The following CLTRN variants were observed in gnomAD, a reference collection of about 807,000 sequenced individuals.
The protein encoded by CLTRN is collectrin, amino acid transport regulator, also known as collectrin.
Under a neutral mutation model 14.5 loss-of-function variants are expected in CLTRN, and 12 were observed. That is an observed-to-expected ratio of 0.83 (90% confidence interval 0.53 to 1.34). The LOEUF (loss-of-function observed/expected upper bound fraction) is 1.34. Ranked by LOEUF, CLTRN falls within the 40% of genes most tolerant of loss-of-function variation. The pLI, the probability that CLTRN is intolerant of heterozygous loss-of-function variation, is 0.00. For missense variants in CLTRN, 154 were observed against 165.1 expected (o/e 0.93, Z 0.37); for synonymous variants, 58 against 56.5 (o/e 1.03, Z -0.12).
upstream of CLTRN, among the ~76,000 whole-genome samples, chrX:15,665,999 CCA>C (rs1929612775): frequency 8.9e-6 from 1 of 111,776 alleles, no homozygotes. Context: ...TGATCAAATA[CCA>C]CAGTCTCACT....
chrX:15,663,696 C>T (rs934868430), intron 2 of CLTRN, among the ~76,000 whole-genome samples: 5 of 112,235 alleles, frequency 4.5e-5, no homozygotes, highest in African/African-American at 1.3e-4. Flanking sequence ...GGCATCTTAA[C>T]GTCACCTTCT....
upstream of CLTRN, chrX:15,675,047 ACGGCGGGAACGGCCC>A (rs771257568): frequency 2.1e-3 from 231 of 112,512 alleles, 1 homozygote; most frequent in Non-Finnish European, 3.4e-3. Flanking sequence ...GGGAACGGCC[ACGGCGGGAACGGCCC>A]CGCCAGTGAG....
chrX:15,664,434 T>C, intron 1 of CLTRN, 39 bp from the exon 2 acceptor site: 2 of 1,095,462 alleles, frequency 1.8e-6, no homozygotes, highest in East Asian at 3.2e-5. Flanking sequence ...TATATGATGA[T>C]TAGGATCTGC....
In CLTRN at chrX:15,670,308, A is replaced by AACACACACACACACAC. The variant is rs753295306; in HGVS notation, c.-505-2388_-505-2373dup. 4.5e-4 allele frequency among the ~76,000 whole-genome samples: 39 copies of AACACACACACACACAC among 86,293 alleles called. No homozygotes were observed. In the East Asian group the frequency reaches 0.013, roughly 29 times the overall value. The allele number at this position is 86,293 out of a possible 115,157, so 74.9% of individuals were successfully genotyped here. A position where few individuals can be genotyped will look rare whatever the true frequency, so the allele number is the denominator to read the frequency against. On this transcript the variant is annotated intron_variant, in intron 1 of 6. Transcript: ENST00000650271. ...TAAAAAAAACAAAAACCAAAAACAA[A>AACACACACACACACAC]ACACACACACACACACACACACACA...
rs763808409 is a variant in CLTRN at position 15,664,783 on chromosome X, G to C, written c.-8C>G. 8.3e-7 allele frequency: 1 copy of C among 1,206,575 alleles called. No individual in the cohort carries two copies. Among genetic ancestry groups the C allele is most frequent in the African/African-American group, 1.7e-5 (1 of 57,532 alleles). On this transcript the variant is annotated 5_prime_UTR_variant, in exon 1 of 6. Transcript: ENST00000380342. ...AAAGAGCAGCCACAACATTCTTTCA[G>C]GGTGGAAAACACAAGGCAAAGTGAG...
chrX:15,655,928 A>C (rs1929348545), intron 3 of CLTRN, among the ~76,000 whole-genome samples: 1 of 111,712 alleles, frequency 9.0e-6, no homozygotes, highest in African/African-American at 3.3e-5. Flanking sequence ...TCACTCCAAC[A>C]CATCATCACT....
chrX:15,640,539 C>T (rs955398408), intron 4 of CLTRN, among the ~76,000 whole-genome samples: 1 of 112,839 alleles, frequency 8.9e-6, no homozygotes, highest in Non-Finnish European at 1.9e-5. Context: ...TGGGTTTCAC[C>T]TGTCCTGTGT....
chrX:15,643,539 T>C (rs1928990761), intron 4 of CLTRN, among the ~76,000 whole-genome samples: 1 of 112,352 alleles, frequency 8.9e-6, no homozygotes, highest in African/African-American at 3.2e-5. Flanking sequence ...GTGCCTTCAT[T>C]TTCCCTGTAG....
intron 3 of CLTRN, among the ~76,000 whole-genome samples, chrX:15,648,382 T>C (rs1000965565): frequency 8.9e-6 from 1 of 111,863 alleles, no homozygotes; most frequent in Admixed American, 9.4e-5. Flanking sequence ...ATCTGAGCTC[T>C]ATCTACCAGG....
At chrX:15,655,576 C>T (rs1459040324) in intron 3 of CLTRN, among the ~76,000 whole-genome samples, 2 of 112,068 alleles carry the variant, frequency 1.8e-5, no homozygotes, top group Non-Finnish European at 3.8e-5. Context: ...CTCTGCTTGG[C>T]CCCAGGAATA....
upstream of CLTRN, among the ~76,000 whole-genome samples, chrX:15,668,979 A>T (rs1353969843): frequency 8.9e-6 from 1 of 111,906 alleles, no homozygotes; most frequent in Non-Finnish European, 1.9e-5. Flanking sequence ...TAATACGTGT[A>T]TTAATTTTCT....
intron 3 of CLTRN, among the ~76,000 whole-genome samples, chrX:15,653,698 G>A (rs1929281035): frequency 8.9e-6 from 1 of 111,751 alleles, no homozygotes; most frequent in Non-Finnish European, 1.9e-5. Flanking sequence ...ATCTGACATG[G>A]TGGGGCACAC....
intron 5 of CLTRN, 108 bp from the exon 6 acceptor site, chrX:15,628,235 GA>G: frequency 2.0e-6 from 1 of 508,557 alleles, no homozygotes; most frequent in South Asian, 1.0e-4. Context: ...AGGAACCTTA[GA>G]ACAATGAAAT....
At chrX:15,670,879 AGT>A (rs543420208) in intron 1 of CLTRN, among the ~76,000 whole-genome samples, 2,964 of 84,892 alleles carry the variant, frequency 0.035, 72 homozygotes, top group Non-Finnish European at 0.053. Context: ...AAGGGAGACA[AGT>A]GTGTGTGTGT....
intron 4 of CLTRN, among the ~76,000 whole-genome samples, 173 bp from the exon 5 acceptor site, chrX:15,639,929 T>TC: frequency 8.9e-6 from 1 of 112,348 alleles, no homozygotes; most frequent in East Asian, 2.8e-4. Context: ...TGCCATAGTT[T>TC]CTCTTAAGTT....
chrX:15,655,629 C>T (rs757160108), intron 3 of CLTRN, among the ~76,000 whole-genome samples: 1 of 111,953 alleles, frequency 8.9e-6, no homozygotes, highest in African/African-American at 3.2e-5. Flanking sequence ...TCTCTCTCCC[C>T]AGTCACAGGT....
In CLTRN at chrX:15,639,715, T is replaced by C. The variant is rs141489787; in HGVS notation, c.359A>G (p.Asp120Gly). Residue 120 changes from aspartate (D) to glycine (G), a missense_variant, in exon 5 of 6, where the codon GAC becomes GGC. Asp to Gly is a moderately conservative substitution (Grantham distance 94). Coordinates refer to ENST00000380342, the MANE Select transcript of CLTRN (RefSeq NM_020665.6). ...NRINNAFFLN[D>G]QTLEFLKIPS... Reference sequence around the variant, plus strand: ...GATTTTTAAAAATTCCAGAGTTTGGTCATTTAGAAAGAAGGCATTGTTGAT... The same window carrying C: ...GATTTTTAAAAATTCCAGAGTTTGGCCATTTAGAAAGAAGGCATTGTTGAT... 6 of 1,208,135 alleles carry C rather than the reference T, an allele frequency of 5.0e-6. No individual in the cohort carries two copies. The highest frequency in any genetic ancestry group is 6.7e-6 in the Non-Finnish European group (6 of 894,645).
chrX:15,644,681 A>T (rs1372220546), intron 4 of CLTRN, among the ~76,000 whole-genome samples: 1 of 111,992 alleles, frequency 8.9e-6, no homozygotes, highest in African/African-American at 3.2e-5. Context: ...GTCTCCAGAC[A>T]TTGCGAAATG....
At chrX:15,669,760 T>C (rs986374676), upstream of CLTRN, among the ~76,000 whole-genome samples, 7 of 112,141 alleles carry the variant, frequency 6.2e-5, no homozygotes, top group African/African-American at 2.3e-4. Context: ...AATGTTTCTT[T>C]TAAAATTGAC....
Sources: allele counts gnomAD v4.1 joint callset (sites outside exome capture counted in the v4.1 genomes callset), GRCh38; gene constraint gnomAD v4.1.1; transcripts MANE v1.5; gene names NCBI Gene and HGNC (gene_info 2026-07-23, HGNC 2026-07-21).